The following ZNF292 variants were observed in gnomAD, a reference collection of about 807,000 sequenced individuals.
The protein encoded by ZNF292 is 16 zinc-finger domain protein.
A neutral mutation model predicts 217.9 loss-of-function variants in ZNF292; 26 were observed. That is an observed-to-expected ratio of 0.12 (90% CI 0.09 to 0.17). ZNF292 has a LOEUF of 0.17. Among genes scored for constraint, ZNF292 ranks in the 10% least tolerant of loss-of-function variants. The pLI, the probability that ZNF292 is intolerant of heterozygous loss-of-function variation, is 1.00. For missense variants in ZNF292, 2,904 were observed against 3,175.2 expected (o/e 0.91, Z 2.05); for synonymous variants, 1,257 against 1,124.1 (o/e 1.12, Z -2.37).
At chr6:87,173,198 AATT>A (rs1464566694) in intron 1 of ZNF292, among the ~76,000 whole-genome samples, 1 of 19,922 alleles carries the variant, frequency 5.0e-5, no homozygotes, top group Non-Finnish European at 9.6e-5. Context: ...TCAGTTTTGT[AATT>A]TTGGCACAAA....
rs1236092831 is a variant in ZNF292 at position 87,201,270 on chromosome 6, A to C, written c.169-14633A>C. Among the ~76,000 whole-genome samples, 8 of 152,306 alleles carry C rather than the reference A, an allele frequency of 5.3e-5. No homozygotes were observed. In the East Asian group the frequency reaches 9.7e-4, roughly 18 times the overall value. ...TTTCTATGGGGTTTTGTTGAACAGAAGTTTTTAATTCTATTGTATCTGCAG... is the reference window on the plus strand; with the variant it reads ...TTTCTATGGGGTTTTGTTGAACAGACGTTTTTAATTCTATTGTATCTGCAG... On this transcript the variant is annotated intron_variant, in intron 1 of 7. Transcript: ENST00000369577.
chr6:87,217,606 G>A (rs1017352578), intron 3 of ZNF292, among the ~76,000 whole-genome samples: 1 of 152,022 alleles, frequency 6.6e-6, no homozygotes, highest in South Asian at 2.1e-4. Flanking sequence ...GCCAACGTAA[G>A]ATAAAATTTT....
Position 87,261,765 on chromosome 6 carries a change from C to A in ZNF292, c.8136C>A (p.Ile2712=). 2 of 1,612,398 alleles carry A rather than the reference C, an allele frequency of 1.2e-6. No homozygotes were observed. The highest frequency in any genetic ancestry group is 2.2e-5 in the South Asian group (2 of 90,962). ...CAGATATGTCTGTTATGAAAGATAT[C>A]AGTATAGGTAAAGCCACAGGCAGAG... ...NDPDMSVMKD[I]SIGKATGRGQ... is the part of the protein sequence containing the mutation. The change falls in exon 8 of 8, where the codon ATC becomes ATA. Residue 2712 remains isoleucine (I), a synonymous_variant. Coordinates refer to ENST00000369577, the MANE Select transcript of ZNF292 (RefSeq NM_015021.3).
Position 87,259,918 on chromosome 6 carries a change from C to G in ZNF292, c.6289C>G (p.Pro2097Ala), listed in dbSNP as rs758969434. 51 of 1,613,428 alleles carry G rather than the reference C, an allele frequency of 3.2e-5. No homozygotes were observed. Among genetic ancestry groups the G allele is most frequent in the Non-Finnish European group, 4.0e-5 (47 of 1,179,666 alleles). ...AAAGGAGGAGAAAAAACGAAAGAAG[C>G]CAGTTTCCCAATCCCTTGAGTTTCC... ...KEKEEKKRKK[P>A]VSQSLEFPTR... The change falls in exon 8 of 8, where the codon CCA becomes GCA. Residue 2097 changes from proline (P) to alanine (A), a missense_variant. Around this residue, in one of 15 missense-constraint regions of ZNF292, gnomAD observed 261 missense variants for 272.8 expected, o/e 0.96. Transcript: ENST00000369577.
At chr6:87,198,366 G>C (rs546478857) in intron 1 of ZNF292, among the ~76,000 whole-genome samples, 14 of 152,050 alleles carry the variant, frequency 9.2e-5, no homozygotes, top group African/African-American at 3.4e-4. Context: ...CACCACACCT[G>C]GCTAATTTTT....
chr6:87,254,170 T>A (rs1775081487), intron 7 of ZNF292, among the ~76,000 whole-genome samples: 1 of 152,222 alleles, frequency 6.6e-6, no homozygotes. Flanking sequence ...AGTTTTATAA[T>A]TAGATTAGAA....
chr6:87,239,202 C>T lies in ZNF292; in HGVS notation c.742-4273C>T, dbSNP rs552111102. Among the ~76,000 whole-genome samples the T allele has an allele frequency of 9.3e-3, 1,418 of 152,374 alleles. 7 individuals carry two copies. Among genetic ancestry groups the T allele is most frequent in the African/African-American group, 0.032 (1,334 of 41,586 alleles). On this transcript the variant is annotated intron_variant, in intron 5 of 7. Coordinates refer to ENST00000369577, the MANE Select transcript of ZNF292 (RefSeq NM_015021.3). ...TCTCAATGAGCTGTTGGGTACACCT[C>T]CCAGACGGGGTGGCGGCCGGGCAGA... is the stretch of plus-strand genomic sequence containing the variant.
At chr6:87,219,412 T>A (rs1772963577) in intron 4 of ZNF292, among the ~76,000 whole-genome samples, 1 of 152,208 alleles carries the variant, frequency 6.6e-6, no homozygotes, top group Non-Finnish European at 1.5e-5. Flanking sequence ...AATTGTAATA[T>A]ATCTAATGGA....
At chr6:87,214,696 G>GGGAAA (rs904127227) in intron 1 of ZNF292, among the ~76,000 whole-genome samples, 2 of 152,034 alleles carry the variant, frequency 1.3e-5, no homozygotes, top group African/African-American at 4.8e-5. Context: ...ACTTCTTAGG[G>GGGAAA]GGAAAGGAAA....
intron 1 of ZNF292, among the ~76,000 whole-genome samples, chr6:87,176,430 G>T (rs1195371162): frequency 6.6e-6 from 1 of 152,186 alleles, no homozygotes; most frequent in African/African-American, 2.4e-5. Flanking sequence ...TTTCCTCAGG[G>T]AATAGCGAGG....
intron 4 of ZNF292, among the ~76,000 whole-genome samples, chr6:87,226,303 T>G (rs915544841): frequency 6.6e-6 from 1 of 152,126 alleles, no homozygotes; most frequent in Non-Finnish European, 1.5e-5. Context: ...TTGTGGGAAA[T>G]AAGCCCTTAT....
chr6:87,258,504 C>G lies in ZNF292; in HGVS notation c.4875C>G (p.Asn1625Lys). ...TRSSHLNKKG[N>K]SASKRRKKVA... ...CCAGTCATTTAAATAAAAAGGGAAA[C>G]AGTGCTTCTAAGAGAAGAAAGAAAG... The change falls in exon 8 of 8, where the codon AAC becomes AAG. Residue 1625 changes from asparagine to lysine, a missense_variant. Transcript: ENST00000369577. 6.2e-7 allele frequency: 1 copy of G among 1,613,692 alleles called. No homozygotes were observed. The highest frequency in any genetic ancestry group is 1.7e-5 in the Admixed American group (1 of 59,916).
At chr6:87,155,872 C>T in intron 1 of ZNF292, 113 bp downstream of exon 1, 3 of 1,334,892 alleles carry the variant, frequency 2.2e-6, no homozygotes, top group African/African-American at 3.0e-5. Flanking sequence ...ATCGGCGCCT[C>T]CGCCTGGGTG....
In ZNF292 at chr6:87,261,817, A is replaced by G. The variant is rs765001312; in HGVS notation, c.*16A>G. The G allele has an allele frequency of 1.4e-6, 2 of 1,447,734 alleles. No homozygotes were observed. Among genetic ancestry groups the G allele is most frequent in the East Asian group, 4.7e-5 (2 of 42,994 alleles). The allele number at this position is 1,447,734 out of a possible 1,614,324, so 89.7% of individuals were successfully genotyped here. A position where few individuals can be genotyped will look rare whatever the true frequency, so the allele number is the denominator to read the frequency against. ...TCAGTACTGATAATTAATGTAGTAT[A>G]AATACATCATTTACCATTTTATTTT... On this transcript the variant is annotated 3_prime_UTR_variant, in exon 8 of 8. Transcript: ENST00000369577.
intron 2 of ZNF292, 85 bp downstream of exon 2, chr6:87,216,142 C>G: frequency 1.1e-6 from 1 of 899,828 alleles, no homozygotes; most frequent in Non-Finnish European, 1.5e-6. Context: ...CACACACACA[C>G]ACACACACAC....
chr6:87,261,923 A>C lies in ZNF292; in HGVS notation c.*122A>C. 1 of 733,482 alleles carries C rather than the reference A, an allele frequency of 1.4e-6. No homozygotes were observed. Among genetic ancestry groups the C allele is most frequent in the Non-Finnish European group, 2.0e-6 (1 of 508,778 alleles). The allele number at this position is 733,482 out of a possible 1,614,324, so 45.4% of individuals were successfully genotyped here. On this transcript the variant is annotated 3_prime_UTR_variant, in exon 8 of 8. Transcript: ENST00000369577. ...TTGTTGACATGAATTAACCTGGCCA[A>C]AAACAAAAAAGAAAAAAAAAACATG...
chr6:87,160,487 A>ATG (rs141208047), intron 1 of ZNF292, among the ~76,000 whole-genome samples: 1,761 of 77,882 alleles, frequency 0.023, 27 homozygotes, highest in African/African-American at 0.064. Flanking sequence ...GTGTTTGTAT[A>ATG]TATATGTGTG....
At chr6:87,245,412 A>G (rs905604262) in intron 6 of ZNF292, 91 bp from the exon 7 acceptor site, 4 of 947,634 alleles carry the variant, frequency 4.2e-6, no homozygotes, top group Non-Finnish European at 6.0e-6. Flanking sequence ...ATATAAAACC[A>G]GTTTTAATTT....
rs540701557 is a variant in ZNF292, at chr6:87,261,163, AATG to A, written c.7537_7539del (p.Asp2513del). 187 of 1,613,194 alleles carry A rather than the reference AATG, an allele frequency of 1.2e-4. No individual in the cohort carries two copies. In the African/African-American group the frequency reaches 2.3e-3, roughly 20 times the overall value. ...AGCTAATACTTCTTCAAATGTAAGT[AATG>A]ATTTTCAGGAAGATAACCTCTGCCA... is the stretch of plus-strand genomic sequence containing the variant. On this transcript the variant is annotated inframe_deletion, in exon 8 of 8. Coordinates refer to ENST00000369577, the MANE Select transcript of ZNF292 (RefSeq NM_015021.3).
Sources: gnomAD v4.1 joint callset for allele counts (sites outside exome capture counted in the v4.1 genomes callset) on GRCh38, gnomAD v4.1.1 for gene constraint, gnomAD v4.1.1 regional missense constraint, MANE v1.5 for transcripts, NCBI Gene and HGNC (gene_info 2026-07-23, HGNC 2026-07-21) for gene names.